Variants in ARHGEF25 observed in about 807,000 individuals in gnomAD.
ARHGEF25 encodes the protein Rho guanine nucleotide exchange factor 25.
ARHGEF25 carries 42 observed loss-of-function variants against 74.0 expected under a neutral mutation model. That is an observed-to-expected ratio of 0.57 (90% CI 0.44 to 0.73). ARHGEF25 has a LOEUF of 0.73. Ranked by LOEUF, ARHGEF25 falls within the 30% of genes least tolerant of loss-of-function variation. The pLI is 0.00. For synonymous variants in ARHGEF25, 293 were observed against 278.6 expected (o/e 1.05, Z -0.51); for missense variants, 645 against 725.5 (o/e 0.89, Z 1.27).
chr12:57,615,775 G>A, intron 12 of ARHGEF25, 62 bp from the exon 13 acceptor site: 5 of 1,611,082 alleles, frequency 3.1e-6, no homozygotes, highest in Non-Finnish European at 4.2e-6. Flanking sequence ...CTGAGAGGAT[G>A]TCTCAGAGGA....
chr12:57,610,359 C>T (rs769184883), upstream of ARHGEF25: 2 of 1,357,872 alleles, frequency 1.5e-6, no homozygotes, highest in African/African-American at 1.4e-5. Flanking sequence ...CTTTCGGGGC[C>T]TTCAGGAGGG....
chr12:57,616,096 T>A (rs1448200506), intron 13 of ARHGEF25, 79 bp downstream of exon 13: 2 of 1,533,680 alleles, frequency 1.3e-6, no homozygotes, highest in Non-Finnish European at 1.8e-6. Context: ...CAGTCTCCAG[T>A]ACCTACCCTC....
Position 57,611,814 on chromosome 12 carries a change from C to T in ARHGEF25, c.-81C>T. Reference sequence around the variant, plus strand: ...GGTAGGAGGGAGGGGGGGTGTGCGCCCGGCGCCGTCCCCGCCCCGCCCCCC... The same window carrying T: ...GGTAGGAGGGAGGGGGGGTGTGCGCTCGGCGCCGTCCCCGCCCCGCCCCCC... On this transcript the variant is annotated 5_prime_UTR_variant, in exon 1 of 15. Coordinates refer to ENST00000286494, the MANE Select transcript of ARHGEF25 (RefSeq NM_182947.4). The surrounding 1 kb of genome is among the most constrained non-coding windows in gnomAD (Gnocchi z 4.5). The T allele has an allele frequency of 8.5e-7, 1 of 1,170,012 alleles. No homozygotes were observed. The highest frequency in any genetic ancestry group is 1.1e-6 in the Non-Finnish European group (1 of 932,298). The allele number at this position is 1,170,012 out of a possible 1,614,324, so 72.5% of individuals were successfully genotyped here. A position where few individuals can be genotyped will look rare whatever the true frequency, so the allele number is the denominator to read the frequency against.
rs941002090 is a variant in ARHGEF25 at position 57,611,965 on chromosome 12, G to T, written c.71G>T (p.Gly24Val). ...ATCCGAAAAGTGCTGGCAAAATGCG[G>T]CTGCTGCTTCGCCCGGGGGGGACGT... is the stretch of plus-strand genomic sequence containing the variant. ...RVIRKVLAKCGCCFARGGRES... is the reference protein window; with the variant it reads ...RVIRKVLAKCVCCFARGGRES... Residue 24 changes from glycine to valine, a missense_variant, in exon 1 of 15, where the codon GGC (glycine) becomes GTC (valine). This residue lies in a region of ARHGEF25 where 189 missense variants were observed against 199.1 expected (regional missense o/e 0.95). Coordinates refer to ENST00000286494, the MANE Select transcript of ARHGEF25 (RefSeq NM_182947.4). The surrounding 1 kb of genome is among the most constrained non-coding windows in gnomAD (Gnocchi z 4.5). 1 of 1,314,044 alleles carries T rather than the reference G, an allele frequency of 7.6e-7. No individual in the cohort carries two copies. Among genetic ancestry groups the T allele is most frequent in the South Asian group, 3.2e-5 (1 of 31,716 alleles). 81.4% of individuals were successfully genotyped at this position (1,314,044 alleles called of 1,614,324 possible).
At chr12:57,615,735 G>A in intron 12 of ARHGEF25, 23 bp downstream of exon 12, 1 of 1,614,092 alleles carries the variant, frequency 6.2e-7, no homozygotes, top group Non-Finnish European at 8.5e-7. Context: ...CCACGAGGGA[G>A]GGCTTGGAGA....
Position 57,614,364 on chromosome 12 carries a change from A to G in ARHGEF25, c.690A>G (p.Lys230=). 2 of 1,614,088 alleles carry G rather than the reference A, an allele frequency of 1.2e-6. No individual in the cohort carries two copies. Among genetic ancestry groups the G allele is most frequent in the Non-Finnish European group, 1.7e-6 (2 of 1,179,998 alleles). ...YFLQELQRCL[K]DPDWLAQLFI... ...TGCAAGAGCTACAACGGTGTCTGAA[A>G]GATCCTGATTGGCTGGCTCAGCTAT... is the stretch of plus-strand genomic sequence containing the variant. The change falls in exon 7 of 15, where the codon AAA becomes AAG. Residue 230 remains lysine (K), a synonymous_variant. Coordinates refer to ENST00000286494, the MANE Select transcript of ARHGEF25 (RefSeq NM_182947.4). The surrounding 1 kb of genome is among the most constrained non-coding windows in gnomAD (Gnocchi z 4.6).
At position 57,614,256 on chromosome 12, in the gene ARHGEF25, CG is replaced by C; in HGVS notation, c.657-74del. 1 of 1,591,536 alleles carries C rather than the reference CG, an allele frequency of 6.3e-7. No homozygotes were observed. The highest frequency in any genetic ancestry group is 8.6e-7 in the Non-Finnish European group (1 of 1,159,954). On this transcript the variant is annotated intron_variant, in intron 6 of 14. Transcript: ENST00000286494. The surrounding 1 kb of genome is among the most constrained non-coding windows in gnomAD (Gnocchi z 4.6). ...GGGCACACTACCAGGGCAGACAGCT[CG>C]AAACTGCTGGGAGTGGGCGAGGTGG... is the stretch of plus-strand genomic sequence containing the variant.
rs1208448297 is a variant in ARHGEF25 at position 57,615,903 on chromosome 12, G to A, written c.1306G>A (p.Gly436Arg). The A allele has an allele frequency of 1.9e-6, 3 of 1,614,172 alleles. No individual in the cohort carries two copies. The highest frequency in any genetic ancestry group is 2.5e-6 in the Non-Finnish European group (3 of 1,180,012). ...DPCRFALTSR[G>R]PEGGIQRYVL... ...TTGCCGCTTTGCACTGACCTCCAGA[G>A]GGCCAGAGGGTGGGATCCAGCGCTA... is the stretch of plus-strand genomic sequence containing the variant. Residue 436 changes from glycine to arginine, a missense_variant, in exon 13 of 15, where the codon GGG (glycine) becomes AGG (arginine). Coordinates refer to ENST00000286494, the MANE Select transcript of ARHGEF25 (RefSeq NM_182947.4).
In ARHGEF25 at chr12:57,614,007, T is replaced by C; in HGVS notation, c.553-9T>C. Reference sequence around the variant, plus strand: ...ACATGCTCATGACCCAACCTCAACTTTCCCACAGGGTTATATGGCCACCAT... The same window carrying C: ...ACATGCTCATGACCCAACCTCAACTCTCCCACAGGGTTATATGGCCACCAT... On this transcript the variant is annotated splice_polypyrimidine_tract_variant and intron_variant, in intron 5 of 14. Coordinates refer to ENST00000286494, the MANE Select transcript of ARHGEF25 (RefSeq NM_182947.4). This position sits in a 1 kb window ranked among gnomAD's most constrained non-coding sequence, Gnocchi z 4.6. The C allele has an allele frequency of 1.9e-6, 3 of 1,613,784 alleles. No individual in the cohort carries two copies. Among genetic ancestry groups the C allele is most frequent in the Non-Finnish European group, 1.7e-6 (2 of 1,179,812 alleles).
In ARHGEF25 at chr12:57,614,464, G is replaced by A. The variant is rs537277075; in HGVS notation, c.727-52G>A. On this transcript the variant is annotated intron_variant, in intron 7 of 14. Coordinates refer to ENST00000286494, the MANE Select transcript of ARHGEF25 (RefSeq NM_182947.4). The surrounding 1 kb of genome is among the most constrained non-coding windows in gnomAD (Gnocchi z 4.6). ...GAATGGGCTGGGATTCTCTGGAGATGCGTCCTCCCTCCTTGCCCACCCTGC... is the reference window on the plus strand; with the variant it reads ...GAATGGGCTGGGATTCTCTGGAGATACGTCCTCCCTCCTTGCCCACCCTGC... 1.2e-6 allele frequency: 2 copies of A among 1,613,858 alleles called. No individual in the cohort carries two copies. Among genetic ancestry groups the A allele is most frequent in the East Asian group, 2.2e-5 (1 of 44,886 alleles).
At chr12:57,615,069 T>C (rs1180665198) in intron 10 of ARHGEF25, 52 bp downstream of exon 10, 1 of 1,606,142 alleles carries the variant, frequency 6.2e-7, no homozygotes, top group African/African-American at 1.3e-5. Context: ...ATCCTCCTAG[T>C]ATCTCATGGG....
rs376224630 is a variant in ARHGEF25, at chr12:57,616,024, C to T, written c.1420+7C>T. On this transcript the variant is annotated splice_region_variant and intron_variant, in intron 13 of 14. Transcript: ENST00000286494. ...CAACGGGACTTCCTCAACGGTGAAG[C>T]TCTCATCCTTTCTTCCCGATGTGCT... 10 of 1,607,134 alleles carry T rather than the reference C, an allele frequency of 6.2e-6. No individual in the cohort carries two copies. In the African/African-American group the frequency reaches 1.3e-4, roughly 21 times the overall value.
chr12:57,612,612 C>A, intron 1 of ARHGEF25: 2 of 833,080 alleles, frequency 2.4e-6, no homozygotes, highest in Non-Finnish European at 3.1e-6. Flanking sequence ...GAGCAGATGG[C>A]CACCCCCAGC....
At chr12:57,615,096 G>C in intron 10 of ARHGEF25, 79 bp downstream of exon 10, 1 of 1,592,940 alleles carries the variant, frequency 6.3e-7, no homozygotes, top group Non-Finnish European at 8.6e-7. Flanking sequence ...CAGCCCCTTG[G>C]GTGGTTTACA....
Position 57,611,836 on chromosome 12 carries a change from C to T in ARHGEF25, c.-59C>T. 1 of 1,200,148 alleles carries T rather than the reference C, an allele frequency of 8.3e-7. No individual in the cohort carries two copies. The highest frequency in any genetic ancestry group is 4.2e-5 in the South Asian group (1 of 23,922). 74.3% of individuals were successfully genotyped at this position (1,200,148 alleles called of 1,614,324 possible). ...CGCCCGGCGCCGTCCCCGCCCCGCCCCCCGTGATTCCCCCTGCATGGCCGG... is the reference window on the plus strand; with the variant it reads ...CGCCCGGCGCCGTCCCCGCCCCGCCTCCCGTGATTCCCCCTGCATGGCCGG... On this transcript the variant is annotated 5_prime_UTR_variant, in exon 1 of 15. Transcript: ENST00000286494. The surrounding 1 kb of genome is among the most constrained non-coding windows in gnomAD (Gnocchi z 4.5).
chr12:57,611,364 G>A, upstream of ARHGEF25: 15 of 885,940 alleles, frequency 1.7e-5, no homozygotes, highest in Non-Finnish European at 2.0e-5. The surrounding 1 kb of genome is among the most constrained non-coding windows in gnomAD (Gnocchi z 4.5). Context: ...GCAGGAGGGG[G>A]AACGCGATGG....
rs368578834 is a variant in ARHGEF25, at chr12:57,614,957, T to C, written c.910-10T>C. 4.3e-6 allele frequency: 7 copies of C among 1,613,894 alleles called. No individual in the cohort carries two copies. The African/African-American group carries it at 8.0e-5, about 18-fold the overall frequency. Reference sequence around the variant, plus strand: ...GTGACCTCCCTGAGCATTTCTTCTCTCTGTCTTAGGATTTTCTCAAGTATT... The same window carrying C: ...GTGACCTCCCTGAGCATTTCTTCTCCCTGTCTTAGGATTTTCTCAAGTATT... On this transcript the variant is annotated splice_polypyrimidine_tract_variant and intron_variant, in intron 9 of 14. Coordinates refer to ENST00000286494, the MANE Select transcript of ARHGEF25 (RefSeq NM_182947.4). This position sits in a 1 kb window ranked among gnomAD's most constrained non-coding sequence, Gnocchi z 4.6.
intron 4 of ARHGEF25, 70 bp from the exon 5 acceptor site, chr12:57,613,624 G>A (rs1460732172): frequency 1.9e-6 from 3 of 1,609,920 alleles, no homozygotes; most frequent in Non-Finnish European, 2.5e-6. Flanking sequence ...AAGGGGAGGA[G>A]GGAGGAACGG....
At chr12:57,610,425 T>C, upstream of ARHGEF25, 1 of 1,082,032 alleles carries the variant, frequency 9.2e-7, no homozygotes. Context: ...GTCGCAGGAA[T>C]ACATGAATTC....
Sources: gnomAD v4.1 joint callset for allele counts on GRCh38, gnomAD v4.1.1 for gene constraint, gnomAD v4.1.1 regional missense constraint, Gnocchi (gnomAD v3.1) non-coding constraint, MANE v1.5 for transcripts, NCBI Gene and HGNC (gene_info 2026-07-23, HGNC 2026-07-21) for gene names.